The following CSNK1A1 variants were observed in gnomAD, a reference collection of about 807,000 sequenced individuals.
CSNK1A1 encodes casein kinase I isoform alpha.
CSNK1A1 carries 7 observed loss-of-function variants against 46.1 expected under a neutral mutation model. The observed-to-expected ratio is 0.15, with a 90% CI of 0.09 to 0.29. The LOEUF (loss-of-function observed/expected upper bound fraction) is 0.29, where lower values mean the gene tolerates loss of function less well. Among genes scored for constraint, CSNK1A1 ranks in the 10% least tolerant of loss-of-function variants. The pLI is 1.00. For synonymous variants in CSNK1A1, 137 were observed against 141.5 expected, an observed-to-expected ratio of 0.97 and a Z score of 0.23; for missense variants, 96 against 417.1, an observed-to-expected ratio of 0.23 and a Z score of 6.71.
chr5:149,502,227 G>A (rs1580818320), intron 9 of CSNK1A1: 2 of 941,988 alleles, frequency 2.1e-6, no homozygotes, highest in Non-Finnish European at 2.5e-6. Context: ...TACCATTTTG[G>A]GGATTTTCCT....
intron 6 of CSNK1A1, among the ~76,000 whole-genome samples, chr5:149,510,464 CTTTGTTTT>C (rs1283340181): frequency 2.6e-5 from 4 of 151,478 alleles, no homozygotes; most frequent in African/African-American, 9.7e-5. Flanking sequence ...TTTTCCTTTT[CTTTGTTTT>C]TTTGTTTGTT....
chr5:149,539,849 C>G (rs1762175664), intron 2 of CSNK1A1, among the ~76,000 whole-genome samples: 1 of 152,040 alleles, frequency 6.6e-6, no homozygotes, highest in East Asian at 1.9e-4. Context: ...AAATTAACCA[C>G]TTTGACTCAC....
chr5:149,503,176 C>T (rs767239074), intron 9 of CSNK1A1: 95 of 985,292 alleles, frequency 9.6e-5, no homozygotes, highest in Non-Finnish European at 1.0e-4. Flanking sequence ...CAATTGTTTT[C>T]AAACTCCAGA....
At position 149,551,099 on chromosome 5, in the gene CSNK1A1, G is replaced by C; in HGVS notation, c.-135C>G. On this transcript the variant is annotated 5_prime_UTR_variant, in exon 1 of 10. Transcript: ENST00000377843. ...ACGGAACACGGAGGCCTTTACCGGG[G>C]TTCGGGGCCCAGAATCAGCAGAGGG... 1 of 929,156 alleles carries C rather than the reference G, an allele frequency of 1.1e-6. No individual in the cohort carries two copies. Among genetic ancestry groups the C allele is most frequent in the Non-Finnish European group, 1.6e-6 (1 of 615,258 alleles). The allele number at this position is 929,156 out of a possible 1,614,324, so 57.6% of individuals were successfully genotyped here.
chr5:149,549,999 TCTCATTACCTGC>T, intron 2 of CSNK1A1, 64 bp downstream of exon 2: 2 of 1,524,930 alleles, frequency 1.3e-6, no homozygotes, highest in Non-Finnish European at 1.8e-6. Flanking sequence ...ATTCAGCTGG[TCTCATTACCTGC>T]CTCTACCCAC....
chr5:149,516,714 A>G (rs939306256), intron 4 of CSNK1A1, among the ~76,000 whole-genome samples: 1 of 152,156 alleles, frequency 6.6e-6, no homozygotes, highest in Non-Finnish European at 1.5e-5. Context: ...TCCACCATCT[A>G]CTGTCTTCCC....
intron 2 of CSNK1A1, among the ~76,000 whole-genome samples, chr5:149,529,039 G>A (rs188227564): frequency 4.9e-4 from 74 of 152,132 alleles, no homozygotes; most frequent in Non-Finnish European, 1.2e-4. Flanking sequence ...CATATTGCAG[G>A]TACTCAGGTA....
intron 9 of CSNK1A1, 149 bp downstream of exon 9, chr5:149,505,298 T>A (rs1225116141): frequency 4.9e-6 from 7 of 1,418,174 alleles, no homozygotes; most frequent in Non-Finnish European, 6.4e-6. Context: ...GTAGTCAAAT[T>A]TTCCAAGGAC....
intron 2 of CSNK1A1, among the ~76,000 whole-genome samples, chr5:149,530,965 C>CAAAAAAAAAAAA (rs59281087): frequency 0.49 from 39,613 of 80,314 alleles, 12,907 homozygotes; most frequent in Non-Finnish European, 0.61. Flanking sequence ...GACTCTGTCT[C>CAAAAAAAAAAAA]AAAAAAAAAA....
At chr5:149,541,627 C>T (rs1250203261) in intron 2 of CSNK1A1, among the ~76,000 whole-genome samples, 1 of 152,096 alleles carries the variant, frequency 6.6e-6, no homozygotes, top group East Asian at 1.9e-4. Context: ...AGTGACAGAT[C>T]ATGAGAAAAC....
intron 2 of CSNK1A1, among the ~76,000 whole-genome samples, chr5:149,534,948 A>G (rs139964494): frequency 1.3e-5 from 2 of 151,908 alleles, no homozygotes; most frequent in East Asian, 1.9e-4. Context: ...TAAAAAAGCA[A>G]GAGTTTCATA....
intron 2 of CSNK1A1, among the ~76,000 whole-genome samples, chr5:149,547,963 C>T (rs962494636): frequency 2.6e-5 from 4 of 151,956 alleles, no homozygotes; most frequent in African/African-American, 9.7e-5. Context: ...CTCCGACTCC[C>T]GGGTTCAAGC....
intron 2 of CSNK1A1, among the ~76,000 whole-genome samples, chr5:149,526,390 C>T (rs1761726523): frequency 6.6e-6 from 1 of 152,150 alleles, no homozygotes. Flanking sequence ...TAGTCTCTAA[C>T]TTCTGGACTC....
chr5:149,528,845 C>G (rs1351281706), intron 2 of CSNK1A1, among the ~76,000 whole-genome samples: 2 of 152,158 alleles, frequency 1.3e-5, no homozygotes, highest in Non-Finnish European at 2.9e-5. Context: ...TTCACAGAAC[C>G]TGAGTCATGA....
Position 149,543,989 on chromosome 5 carries a change from C to T in CSNK1A1, c.230+6086G>A, listed in dbSNP as rs897355691. On this transcript the variant is annotated intron_variant, in intron 2 of 9. Coordinates refer to ENST00000377843, the MANE Select transcript of CSNK1A1 (RefSeq NM_001892.6). ...GACACAATATCAAACTGCTGGAATG[C>T]TTTTTTTCTAGCTACTATCCTTTGA... is the stretch of plus-strand genomic sequence containing the variant. Among the ~76,000 whole-genome samples, 5 of 152,214 alleles carry T rather than the reference C, an allele frequency of 3.3e-5. No homozygotes were observed. The East Asian group carries it at 7.7e-4, about 23-fold the overall frequency.
intron 9 of CSNK1A1, chr5:149,504,063 T>C: frequency 2.0e-6 from 2 of 985,442 alleles, no homozygotes; most frequent in Non-Finnish European, 2.4e-6. Flanking sequence ...ATGAACTTCT[T>C]GGCACTATGA....
intron 7 of CSNK1A1, among the ~76,000 whole-genome samples, chr5:149,507,618 C>T (rs952223868): frequency 6.6e-6 from 1 of 152,028 alleles, no homozygotes; most frequent in Non-Finnish European, 1.5e-5. Flanking sequence ...CGAGCTACCA[C>T]GCCCAGCTAA....
chr5:149,500,409 T>G (rs1417121199), intron 9 of CSNK1A1, among the ~76,000 whole-genome samples: 1 of 151,950 alleles, frequency 6.6e-6, no homozygotes, highest in Non-Finnish European at 1.5e-5. Flanking sequence ...ACTGCTGGGA[T>G]TACAGGCATG....
chr5:149,510,845 T>C (rs574723257), intron 6 of CSNK1A1, among the ~76,000 whole-genome samples: 9 of 152,160 alleles, frequency 5.9e-5, no homozygotes, highest in Non-Finnish European at 1.2e-4. Flanking sequence ...ACAAAAAAAT[T>C]TGTTCATCAA....
Sources: gnomAD v4.1 joint callset for allele counts (sites outside exome capture counted in the v4.1 genomes callset) on GRCh38, gnomAD v4.1.1 for gene constraint, MANE v1.5 for transcripts, NCBI Gene and HGNC (gene_info 2026-07-23, HGNC 2026-07-21) for gene names.